MYSM1: variants seen among roughly 807,000 people sequenced by gnomAD.
MYSM1 encodes the protein Myb like, SWIRM and MPN domains 1.
MYSM1 carries 51 observed loss-of-function variants against 116.0 expected under a neutral mutation model. The ratio of observed to expected loss-of-function variants is 0.44; its 90% CI spans 0.35 to 0.56. The LOEUF (loss-of-function observed/expected upper bound fraction) is 0.56. MYSM1 is among the 20% of genes least tolerant of loss of function. The probability of loss-of-function intolerance (pLI) is 0.00; values close to 1 mark genes in which losing one functional copy is unlikely to be tolerated. For missense variants in MYSM1, 900 were observed against 974.9 expected, an observed-to-expected ratio of 0.92 and a Z score of 1.02; for synonymous variants, 313 against 315.2, an observed-to-expected ratio of 0.99 and a Z score of 0.07.
In MYSM1 at chr1:58,689,843, C is replaced by G. The variant is rs41287664; in HGVS notation, c.320+383G>C. Among the ~76,000 whole-genome samples the G allele has an allele frequency of 6.7e-3, 1,016 of 152,184 alleles. 6 individuals are homozygous for G. Among genetic ancestry groups the G allele is most frequent in the East Asian group, 0.019 (101 of 5,188 alleles). On this transcript the variant is annotated intron_variant, in intron 5 of 19. Coordinates refer to ENST00000472487, the MANE Select transcript of MYSM1 (RefSeq NM_001085487.3). ...ATATTTTTAAAATAGTTAATTTCTC[C>G]AGATAATTTTTGAAAGCCACAAATC...
intron 16 of MYSM1, among the ~76,000 whole-genome samples, chr1:58,666,565 GTAT>G (rs1344398858): frequency 7.6e-6 from 1 of 131,850 alleles, no homozygotes; most frequent in Non-Finnish European, 1.5e-5. Flanking sequence ...CCCAGTATAT[GTAT>G]TTTTTTTCTT....
chr1:58,672,349 G>C (rs1031098210), intron 11 of MYSM1, among the ~76,000 whole-genome samples: 11 of 152,086 alleles, frequency 7.2e-5, no homozygotes, highest in African/African-American at 2.7e-4. Context: ...TCTGGATCTA[G>C]AATGTCTGGC....
chr1:58,673,579 C>T lies in MYSM1; in HGVS notation c.1566G>A (p.Thr522=), dbSNP rs138210329. The change falls in exon 11 of 20, where the codon ACG becomes ACA. Residue 522 remains threonine (T), a synonymous_variant. Transcript: ENST00000472487. ...WCDAKDLEGQ[T]FEHLSAEELA... ...TTTGAAAGGTCAAAGTTACCTCAAA[C>T]GTTTGTCCTTCTAAGTCCTTTGCAT... is the stretch of plus-strand genomic sequence containing the variant. 9,494 of 1,613,774 alleles carry T rather than the reference C, an allele frequency of 5.9e-3. 41 individuals carry two copies. The highest frequency in any genetic ancestry group is 6.5e-3 in the Non-Finnish European group (7,689 of 1,179,744).
intron 7 of MYSM1, among the ~76,000 whole-genome samples, chr1:58,684,498 G>A (rs368841767): frequency 1.7e-4 from 26 of 149,080 alleles, no homozygotes; most frequent in East Asian, 1.6e-3. Flanking sequence ...CTGGGAGGCC[G>A]AGCTTGCAGT....
chr1:58,665,524 C>T lies in MYSM1; in HGVS notation c.2139G>A (p.Glu713=), dbSNP rs747611537. 3.1e-6 allele frequency: 5 copies of T among 1,603,222 alleles called. No individual in the cohort carries two copies. The highest frequency in any genetic ancestry group is 4.3e-6 in the Non-Finnish European group (5 of 1,174,094). Residue 713 remains glutamate (E), a synonymous_variant, in exon 17 of 20, where the codon GAG becomes GAA. Coordinates refer to ENST00000472487, the MANE Select transcript of MYSM1 (RefSeq NM_001085487.3). ...YSQITCLVIS[E]EISPDGSYRL... Reference sequence around the variant, plus strand: ...GATAAGAGCCATCTGGGCTAATTTCCTCACTTATAACCAGGCAGGTAATCT... The same window carrying T: ...GATAAGAGCCATCTGGGCTAATTTCTTCACTTATAACCAGGCAGGTAATCT...
chr1:58,680,776 A>G (rs1644729550), intron 8 of MYSM1, among the ~76,000 whole-genome samples: 1 of 152,182 alleles, frequency 6.6e-6, no homozygotes, highest in South Asian at 2.1e-4. Flanking sequence ...GCCCTATACA[A>G]TTTGATAGCT....
chr1:58,690,208 T>G lies in MYSM1; in HGVS notation c.320+18A>C, dbSNP rs564576066. ...ACTAATGAAAACAGATTTATAAATATAAAATATAAGTACATACATGATTTT... is the reference window on the plus strand; with the variant it reads ...ACTAATGAAAACAGATTTATAAATAGAAAATATAAGTACATACATGATTTT... On this transcript the variant is annotated intron_variant, in intron 5 of 19. Coordinates refer to ENST00000472487, the MANE Select transcript of MYSM1 (RefSeq NM_001085487.3). 2.8e-5 allele frequency: 42 copies of G among 1,488,124 alleles called. No homozygotes were observed. In the East Asian group the frequency reaches 7.9e-4, roughly 28 times the overall value. The allele number at this position is 1,488,124 out of a possible 1,614,324, so 92.2% of individuals were successfully genotyped here.
In MYSM1 at chr1:58,665,552, G is replaced by T; in HGVS notation, c.2111C>A (p.Ser704Tyr). The T allele has an allele frequency of 6.2e-7, 1 of 1,604,176 alleles. No homozygotes were observed. ...ACTTATAACCAGGCAGGTAATCTGAGAATATGGTAAGGGATTATTTCGATT... is the reference window on the plus strand; with the variant it reads ...ACTTATAACCAGGCAGGTAATCTGATAATATGGTAAGGGATTATTTCGATT... ...PYNRNNPLPY[S>Y]QITCLVISEE... Residue 704 changes from serine to tyrosine, a missense_variant, in exon 17 of 20, where the codon TCT becomes TAT. Physicochemically the swap from Ser to Tyr is moderately radical, Grantham distance 144. Transcript: ENST00000472487.
At chr1:58,664,832 CA>C (rs1332266202) in intron 17 of MYSM1, among the ~76,000 whole-genome samples, 2 of 152,194 alleles carry the variant, frequency 1.3e-5, no homozygotes, top group African/African-American at 4.8e-5. Context: ...TGACCTATAG[CA>C]GTGGTAGTAA....
At chr1:58,681,534 G>A (rs1644741481) in intron 8 of MYSM1, among the ~76,000 whole-genome samples, 1 of 152,170 alleles carries the variant, frequency 6.6e-6, no homozygotes, top group Non-Finnish European at 1.5e-5. Context: ...CTAGGAGACT[G>A]CTTCATAAAG....
chr1:58,685,178 T>C lies in MYSM1; in HGVS notation c.473A>G (p.Tyr158Cys), dbSNP rs778704386. Residue 158 changes from tyrosine to cysteine, a missense_variant, in exon 7 of 20, where the codon TAT becomes TGT. This residue lies in a region of MYSM1 where 622 missense variants were observed against 623.7 expected (regional missense o/e 1.00). Coordinates refer to ENST00000472487, the MANE Select transcript of MYSM1 (RefSeq NM_001085487.3). ...GSRTVLQVKS[Y>C]ARQYFKNKVK... ...CTTATTTTTAAAATACTGTCTTGCA[T>C]AACTCTTCACTTGTAAAACAGTGCG... The C allele has an allele frequency of 2.5e-6, 4 of 1,605,766 alleles. No homozygotes were observed. Among genetic ancestry groups the C allele is most frequent in the Non-Finnish European group, 3.4e-6 (4 of 1,177,430 alleles).
At chr1:58,667,282 C>A in intron 15 of MYSM1, 56 bp from the exon 16 acceptor site, 1 of 1,268,122 alleles carries the variant, frequency 7.9e-7, no homozygotes, top group South Asian at 2.4e-5. Context: ...TTCTATTACT[C>A]TAATGTTATA....
intron 15 of MYSM1, 152 bp from the exon 16 acceptor site, chr1:58,667,378 A>C: frequency 1.9e-6 from 1 of 519,150 alleles, no homozygotes; most frequent in Non-Finnish European, 3.2e-6. Context: ...AATGACTTAA[A>C]CTCCAAAAGT....
chr1:58,696,721 T>C (rs761281793), intron 1 of MYSM1, among the ~76,000 whole-genome samples: 18 of 152,198 alleles, frequency 1.2e-4, no homozygotes, highest in Non-Finnish European at 1.9e-4. Flanking sequence ...ATATATAGGA[T>C]TGCTGTCTAT....
chr1:58,677,060 A>G lies in MYSM1; in HGVS notation c.1260-4T>C. The G allele has an allele frequency of 1.3e-6, 2 of 1,591,954 alleles. No homozygotes were observed. The highest frequency in any genetic ancestry group is 1.7e-6 in the Non-Finnish European group (2 of 1,170,858). ...GTATTTTGGTTTGCATATCTCCCTAATTAAGAGACAGAAGTACAATTATTT... is the reference window on the plus strand; with the variant it reads ...GTATTTTGGTTTGCATATCTCCCTAGTTAAGAGACAGAAGTACAATTATTT... On this transcript the variant is annotated splice_polypyrimidine_tract_variant and splice_region_variant and intron_variant, in intron 8 of 19. Coordinates refer to ENST00000472487, the MANE Select transcript of MYSM1 (RefSeq NM_001085487.3).
At chr1:58,699,223 G>A (rs986745483) in intron 1 of MYSM1, among the ~76,000 whole-genome samples, 2 of 152,148 alleles carry the variant, frequency 1.3e-5, no homozygotes, top group African/African-American at 4.8e-5. Context: ...GCTGGAACAG[G>A]TATTTTAAAA....
intron 1 of MYSM1, among the ~76,000 whole-genome samples, chr1:58,695,836 G>T (rs2811889): frequency 0.96 from 145,701 of 152,290 alleles, 70,019 homozygotes; most frequent in East Asian, 1. Context: ...TATCTCACTC[G>T]TTTCATTAAG....
In MYSM1 at chr1:58,668,913, A is replaced by ACATT. The variant is rs541131879; in HGVS notation, c.1716+70_1716+71insAATG. ...ACATATGCCTTGCACATACGGAAAA[A>ACATT]GAGTAAGCATTTCCTGTTTGACGGG... On this transcript the variant is annotated intron_variant, in intron 13 of 19. Transcript: ENST00000472487. 2.9e-3 allele frequency: 3,436 copies of ACATT among 1,192,084 alleles called. 19 individuals carry two copies. Among genetic ancestry groups the ACATT allele is most frequent in the Middle Eastern group, 9.5e-3 (50 of 5,286 alleles). The allele number at this position is 1,192,084 out of a possible 1,614,324, so 73.8% of individuals were successfully genotyped here.
In MYSM1 at chr1:58,668,748, G is replaced by A. The variant is rs1644510893; in HGVS notation, c.1717-66C>T. Reference sequence around the variant, plus strand: ...ATAGAGATTTTTGTTTTCCCCACCTGGAATGCCCACCCTGTTCTCCTTTAT... The same window carrying A: ...ATAGAGATTTTTGTTTTCCCCACCTAGAATGCCCACCCTGTTCTCCTTTAT... On this transcript the variant is annotated intron_variant, in intron 13 of 19. Coordinates refer to ENST00000472487, the MANE Select transcript of MYSM1 (RefSeq NM_001085487.3). The A allele has an allele frequency of 2.9e-6, 4 of 1,401,508 alleles. No homozygotes were observed. In the South Asian group the frequency reaches 3.7e-5, roughly 13 times the overall value. 86.8% of individuals were successfully genotyped at this position (1,401,508 alleles called of 1,614,324 possible). A position where few individuals can be genotyped will look rare whatever the true frequency, so the allele number is the denominator to read the frequency against.
Sources: gnomAD v4.1 joint callset for allele counts (sites outside exome capture counted in the v4.1 genomes callset) on GRCh38, gnomAD v4.1.1 for gene constraint, gnomAD v4.1.1 regional missense constraint, MANE v1.5 for transcripts, NCBI Gene and HGNC (gene_info 2026-07-23, HGNC 2026-07-21) for gene names.